The following SSH2 variants were observed in gnomAD, a reference collection of about 807,000 sequenced individuals.
SSH2 encodes the protein protein phosphatase Slingshot homolog 2.
In SSH2, 37 loss-of-function variants were observed where a neutral mutation model predicts 135.2. That is an observed-to-expected ratio of 0.27 (90% CI 0.21 to 0.36). The LOEUF is 0.36. Among genes scored for constraint, SSH2 ranks in the 10% least tolerant of loss-of-function variants. SSH2 has a pLI of 1.00. For missense variants in SSH2, 1,408 were observed against 1,765.3 expected (o/e 0.80, Z 3.63); for synonymous variants, 628 against 646.2 (o/e 0.97, Z 0.43).
At chr17:29,730,893 C>G (rs765537742) in intron 3 of SSH2, among the ~76,000 whole-genome samples, 1 of 152,186 alleles carries the variant, frequency 6.6e-6, no homozygotes, top group African/African-American at 2.4e-5. Flanking sequence ...TGACTGTTAC[C>G]TTCAGAATAC....
chr17:29,826,589 C>T (rs1334794016), intron 2 of SSH2, among the ~76,000 whole-genome samples: 1 of 152,154 alleles, frequency 6.6e-6, no homozygotes, highest in East Asian at 1.9e-4. Context: ...CACTCTTTCT[C>T]TTTGACTTTG....
chr17:29,752,794 A>G (rs1414200274), intron 3 of SSH2, among the ~76,000 whole-genome samples: 1 of 151,616 alleles, frequency 6.6e-6, no homozygotes, highest in Non-Finnish European at 1.5e-5. Flanking sequence ...AAAAGAAAAA[A>G]GCCAAATATC....
chr17:29,639,356 T>C (rs1221002647), intron 14 of SSH2, among the ~76,000 whole-genome samples: 1 of 152,068 alleles, frequency 6.6e-6, no homozygotes, highest in East Asian at 1.9e-4. Flanking sequence ...GTGGTCTCCA[T>C]GACTTACAAG....
chr17:29,712,186 A>G (rs576345656), intron 3 of SSH2, among the ~76,000 whole-genome samples: 1 of 152,338 alleles, frequency 6.6e-6, no homozygotes, highest in East Asian at 1.9e-4. Context: ...CTTTCCAAAG[A>G]AGGCAATCAG....
At chr17:29,863,233 T>C (rs778117661) in intron 1 of SSH2, among the ~76,000 whole-genome samples, 5 of 152,212 alleles carry the variant, frequency 3.3e-5, no homozygotes, top group South Asian at 4.2e-4. Flanking sequence ...TAATGATAAA[T>C]TGCCCAGAAC....
intron 3 of SSH2, among the ~76,000 whole-genome samples, chr17:29,728,619 G>A (rs1211943868): frequency 1.3e-5 from 2 of 152,058 alleles, no homozygotes; most frequent in Non-Finnish European, 2.9e-5. Context: ...GAACAAAACC[G>A]GAGGAATCAC....
intron 3 of SSH2, among the ~76,000 whole-genome samples, chr17:29,756,127 G>C (rs2041110246): frequency 6.6e-6 from 1 of 151,566 alleles, no homozygotes; most frequent in Admixed American, 6.6e-5. Context: ...AAAAAAATTA[G>C]CCAGGCGTGG....
At position 29,896,316 on chromosome 17, in the gene SSH2, A is replaced by G. The variant is rs200310782; in HGVS notation, c.63+33622T>C. 1.6e-3 allele frequency among the ~76,000 whole-genome samples: 99 copies of G among 63,154 alleles called. 2 individuals are homozygous for G. The highest frequency in any genetic ancestry group is 2.6e-3 in the Non-Finnish European group (84 of 32,510). 41.4% of individuals were successfully genotyped at this position (63,154 alleles called of 152,430 possible). A position where few individuals can be genotyped will look rare whatever the true frequency, so the allele number is the denominator to read the frequency against. Reference sequence around the variant, plus strand: ...ATTTCATGTATAAAATGTATTTTATATACACATTTCATGTATAAAATGTAT... The same window carrying G: ...ATTTCATGTATAAAATGTATTTTATGTACACATTTCATGTATAAAATGTAT... On this transcript the variant is annotated intron_variant, in intron 1 of 15. Transcript: ENST00000540801.
intron 8 of SSH2, chr17:29,674,038 T>G: frequency 4.4e-6 from 2 of 456,050 alleles, no homozygotes; most frequent in South Asian, 3.1e-5. Flanking sequence ...ATAGAGTTAC[T>G]AGGACAAAGA....
At position 29,728,452 on chromosome 17, in the gene SSH2, T is replaced by C. The variant is rs367960640; in HGVS notation, c.189-25390A>G. Reference sequence around the variant, plus strand: ...TCCATGTTCATGGATTGAAAGAATATTGTGAAAATGTCTATACTACACAAA... The same window carrying C: ...TCCATGTTCATGGATTGAAAGAATACTGTGAAAATGTCTATACTACACAAA... On this transcript the variant is annotated intron_variant, in intron 3 of 15. Transcript: ENST00000540801. Among the ~76,000 whole-genome samples, 6 of 152,254 alleles carry C rather than the reference T, an allele frequency of 3.9e-5. No homozygotes were observed. The East Asian group carries it at 9.6e-4, about 24-fold the overall frequency.
At chr17:29,853,796 A>T (rs1359957130) in intron 1 of SSH2, among the ~76,000 whole-genome samples, 1 of 151,782 alleles carries the variant, frequency 6.6e-6, no homozygotes, top group Non-Finnish European at 1.5e-5. Context: ...GAGATAACAT[A>T]AGAAAAGCAT....
chr17:29,690,392 G>A (rs1397423191), intron 5 of SSH2, among the ~76,000 whole-genome samples: 25 of 135,498 alleles, frequency 1.8e-4, no homozygotes, highest in African/African-American at 5.6e-4. Flanking sequence ...GCAAAAGAGT[G>A]AAACTCTGTC....
intron 3 of SSH2, among the ~76,000 whole-genome samples, chr17:29,709,050 A>AGAGAGAGAGAGC (rs982312745): frequency 6.2e-5 from 9 of 145,620 alleles, no homozygotes; most frequent in Admixed American, 3.4e-4. Flanking sequence ...AGAGAGAGAG[A>AGAGAGAGAGAGC]GAGCTAATAA....
Position 29,628,602 on chromosome 17 carries a change from T to C in SSH2, c.*2239A>G, listed in dbSNP as rs1017493915. On this transcript the variant is annotated 3_prime_UTR_variant, in exon 16 of 16. Transcript: ENST00000540801. ...ACTGCTTCAAGAAGGCAGGGTATTC[T>C]ACATGGAAGAGCTCTGGAAATCCAT... is the stretch of plus-strand genomic sequence containing the variant. The C allele has an allele frequency of 1.3e-5, 2 of 152,186 alleles. No homozygotes were observed. Among genetic ancestry groups the C allele is most frequent in the African/African-American group, 4.8e-5 (2 of 41,444 alleles). 9.4% of individuals were successfully genotyped at this position (152,186 alleles called of 1,614,324 possible).
At position 29,636,385 on chromosome 17, in the gene SSH2, C is replaced by T. The variant is rs751562276; in HGVS notation, c.1845G>A (p.Lys615=). 8.7e-6 allele frequency: 14 copies of T among 1,614,192 alleles called. No homozygotes were observed. Among genetic ancestry groups the T allele is most frequent in the Non-Finnish European group, 1.1e-5 (13 of 1,180,036 alleles). ...QPGHVPEMAN[K]FPDLTVEDLE... ...AATCTTCCACTGTTAAGTCTGGAAA[C>T]TTGTTGGCCATTTCTGGGACATGTC... Residue 615 remains lysine, a synonymous_variant, in exon 15 of 16, where the codon AAG becomes AAA. Coordinates refer to ENST00000540801, the MANE Select transcript of SSH2 (RefSeq NM_001282129.2).
At chr17:29,763,992 C>G (rs541692765) in intron 3 of SSH2, among the ~76,000 whole-genome samples, 1 of 151,018 alleles carries the variant, frequency 6.6e-6, no homozygotes, top group African/African-American at 2.4e-5. Flanking sequence ...TCTTGTTGCC[C>G]ACGCTGGAGT....
chr17:29,777,349 C>T (rs2041726520), intron 3 of SSH2, among the ~76,000 whole-genome samples: 1 of 152,068 alleles, frequency 6.6e-6, no homozygotes, highest in Admixed American at 6.6e-5. Flanking sequence ...CACATACATA[C>T]TTATGGATTA....
In SSH2 at chr17:29,651,827, A is replaced by T. The variant is rs192622574; in HGVS notation, c.1080-1027T>A. Among the ~76,000 whole-genome samples, 381 of 149,916 alleles carry T rather than the reference A, an allele frequency of 2.5e-3. 2 individuals are homozygous for T. The highest frequency in any genetic ancestry group is 6.9e-3 in the Middle Eastern group (2 of 290). On this transcript the variant is annotated intron_variant, in intron 12 of 15. Coordinates refer to ENST00000540801, the MANE Select transcript of SSH2 (RefSeq NM_001282129.2). ...TTGGCATCAAAGCCCATTACTACAAATTTTTTTTTTTATTTAATTTAAAAA... is the reference window on the plus strand; with the variant it reads ...TTGGCATCAAAGCCCATTACTACAATTTTTTTTTTTTATTTAATTTAAAAA...
At chr17:29,793,212 A>G (rs2042101951) in intron 3 of SSH2, among the ~76,000 whole-genome samples, 1 of 152,070 alleles carries the variant, frequency 6.6e-6, no homozygotes. Context: ...TTCTCTCACA[A>G]TTGTTTTCTT....
Sources: allele counts gnomAD v4.1 joint callset (sites outside exome capture counted in the v4.1 genomes callset), GRCh38; gene constraint gnomAD v4.1.1; transcripts MANE v1.5; gene names NCBI Gene and HGNC (gene_info 2026-07-23, HGNC 2026-07-21).